Variants in GSE1 observed in about 807,000 individuals in gnomAD.
GSE1 encodes Gse1 coiled-coil protein.
Under a neutral mutation model 112.6 loss-of-function variants are expected in GSE1, and 32 were observed. That is an observed-to-expected ratio of 0.28 (90% confidence interval 0.21 to 0.38). GSE1 has a LOEUF of 0.38. Among genes scored for constraint, GSE1 ranks in the 10% least tolerant of loss-of-function variants. The probability of loss-of-function intolerance (pLI) is 1.00; values close to 1 mark genes in which losing one functional copy is unlikely to be tolerated. For synonymous variants in GSE1, 1,115 were observed against 735.6 expected (o/e 1.52, Z -8.35); for missense variants, 2,348 against 1,699.2 (o/e 1.38, Z -6.71).
intron 2 of GSE1, among the ~76,000 whole-genome samples, chr16:85,643,945 A>C (rs1474348774): frequency 2.0e-5 from 3 of 151,752 alleles, no homozygotes; most frequent in Non-Finnish European, 4.4e-5. Context: ...CCACAGCACA[A>C]ATGTCCACAT....
At chr16:85,209,505 C>T (rs1398094919) in intron 1 of GSE1, among the ~76,000 whole-genome samples, 2 of 152,236 alleles carry the variant, frequency 1.3e-5, no homozygotes, top group Admixed American at 1.3e-4. Flanking sequence ...GACCACTGAC[C>T]CCTCCCACCC....
At chr16:85,420,421 C>T (rs1263376551) in intron 2 of GSE1, among the ~76,000 whole-genome samples, 1 of 152,150 alleles carries the variant, frequency 6.6e-6, no homozygotes, top group Non-Finnish European at 1.5e-5. Context: ...AACACAGGAT[C>T]AGGCAGGATT....
intron 2 of GSE1, among the ~76,000 whole-genome samples, chr16:85,433,926 G>A (rs1415133320): frequency 5.9e-5 from 9 of 152,094 alleles, no homozygotes; most frequent in Non-Finnish European, 1.3e-4. Flanking sequence ...GGAAATCTCT[G>A]GCTCTGGGAG....
chr16:85,517,221 T>A (rs1475466289), intron 2 of GSE1, among the ~76,000 whole-genome samples: 1 of 151,834 alleles, frequency 6.6e-6, no homozygotes, highest in Non-Finnish European at 1.5e-5. Flanking sequence ...GACCATCAGA[T>A]GGGTCCCTCC....
In GSE1 at chr16:85,317,692, G is replaced by A. The variant is rs529640008; in HGVS notation, c.2284-39771G>A. ...GAGGCCCCTGGCAAGATTGAGCCCC[G>A]GTGCCCACAGTGAACGCTGGTGAGC... On this transcript the variant is annotated intron_variant, in intron 1 of 2. Coordinates refer to the GSE1 transcript ENST00000637419. Among the ~76,000 whole-genome samples, 15 of 152,238 alleles carry A rather than the reference G, an allele frequency of 9.9e-5. 1 individual carries two copies. In the South Asian group the frequency reaches 1.9e-3, roughly 19 times the overall value.
chr16:85,233,958 C>A (rs564034209), intron 1 of GSE1, among the ~76,000 whole-genome samples: 4 of 152,142 alleles, frequency 2.6e-5, no homozygotes, highest in Non-Finnish European at 2.9e-5. Context: ...GCACAGAAGG[C>A]GGCTCCTCAA....
chr16:85,562,494 G>T (rs1324849667), intron 1 of GSE1, among the ~76,000 whole-genome samples: 2 of 152,224 alleles, frequency 1.3e-5, no homozygotes, highest in African/African-American at 4.8e-5. Flanking sequence ...GACAGAAGAG[G>T]TTTCTTTGTA....
chr16:85,284,157 G>T (rs1362447257), intron 1 of GSE1, among the ~76,000 whole-genome samples: 1 of 152,180 alleles, frequency 6.6e-6, no homozygotes, highest in African/African-American at 2.4e-5. Context: ...CCCAGGAGAA[G>T]GCCCGGCGGG....
intron 1 of GSE1, among the ~76,000 whole-genome samples, chr16:85,186,336 C>T (rs7198781): frequency 2.0e-5 from 3 of 151,514 alleles, no homozygotes; most frequent in Non-Finnish European, 4.4e-5. Flanking sequence ...CGGGTGCGGT[C>T]GCTCACACCT....
intron 1 of GSE1, among the ~76,000 whole-genome samples, chr16:85,604,002 AG>A (rs2047576285): frequency 6.6e-6 from 1 of 152,198 alleles, no homozygotes; most frequent in Non-Finnish European, 1.5e-5. Context: ...CAGGCCCTGC[AG>A]GAAGCATGGT....
intron 1 of GSE1, among the ~76,000 whole-genome samples, chr16:85,350,540 C>G (rs896858936): frequency 6.6e-6 from 1 of 152,140 alleles, no homozygotes. Flanking sequence ...GGACACTGGA[C>G]AGGCCCCGCC....
rs562869879 is a variant in GSE1 at position 85,484,067 on chromosome 16, C to T, written c.2464+126424C>T. On this transcript the variant is annotated intron_variant, in intron 2 of 2. Transcript: ENST00000637419. ...TTACCCCAGAAGACCCTCAGATTCGCGGTAGGATGACGTCCCACACTTGGT... is the reference window on the plus strand; with the variant it reads ...TTACCCCAGAAGACCCTCAGATTCGTGGTAGGATGACGTCCCACACTTGGT... Among the ~76,000 whole-genome samples, 19 of 152,326 alleles carry T rather than the reference C, an allele frequency of 1.2e-4. 1 individual carries two copies. The East Asian group carries it at 3.3e-3, about 26-fold the overall frequency.
chr16:85,268,714 G>T (rs891535030), intron 1 of GSE1, among the ~76,000 whole-genome samples: 1 of 152,182 alleles, frequency 6.6e-6, no homozygotes, highest in African/African-American at 2.4e-5. Flanking sequence ...CACAGCCTCA[G>T]CAGGAGGGGT....
intron 2 of GSE1, among the ~76,000 whole-genome samples, chr16:85,513,559 C>G (rs2051818180): frequency 6.6e-6 from 1 of 152,186 alleles, no homozygotes; most frequent in Non-Finnish European, 1.5e-5. Flanking sequence ...AAAACACATT[C>G]CCAGGCTTCA....
intron 1 of GSE1, among the ~76,000 whole-genome samples, chr16:85,331,359 G>GTATATATA (rs1192723319): frequency 0.09 from 4,850 of 54,102 alleles, 676 homozygotes; most frequent in African/African-American, 0.15. Flanking sequence ...GTGTGTGTGT[G>GTATATATA]TGTGTGTATA....
chr16:85,655,138 G>A, intron 5 of GSE1, 147 bp downstream of exon 5: 1 of 653,570 alleles, frequency 1.5e-6, no homozygotes, highest in South Asian at 1.8e-5. Context: ...CCCCAGCTTT[G>A]AGCCTAAATT....
At chr16:85,194,248 C>G (rs1316392107) in intron 1 of GSE1, among the ~76,000 whole-genome samples, 2 of 152,056 alleles carry the variant, frequency 1.3e-5, no homozygotes, top group African/African-American at 2.4e-5. Context: ...GACCCCTGGC[C>G]CTGGATAGAC....
intron 2 of GSE1, among the ~76,000 whole-genome samples, chr16:85,550,891 C>T (rs964283530): frequency 6.6e-6 from 1 of 152,200 alleles, no homozygotes; most frequent in Non-Finnish European, 1.5e-5. Context: ...GGAAGCAGCC[C>T]AGCAGCCCCC....
intron 7 of GSE1, 38 bp from the exon 8 acceptor site, chr16:85,657,239 G>A (rs750344160): frequency 3.0e-5 from 42 of 1,414,848 alleles, no homozygotes; most frequent in Non-Finnish European, 3.6e-5. Flanking sequence ...GCTGGCCCAC[G>A]TGGCTGAGAT....
Sources: allele counts gnomAD v4.1 joint callset (sites outside exome capture counted in the v4.1 genomes callset), GRCh38; gene constraint gnomAD v4.1.1; transcripts MANE v1.5; gene names NCBI Gene and HGNC (gene_info 2026-07-23, HGNC 2026-07-21).